ZFC3H1: variants seen among roughly 807,000 people sequenced by gnomAD.
ZFC3H1 encodes the protein zinc finger C3H1-type containing, also known as zinc finger C3H1 domain-containing protein.
A neutral mutation model predicts 243.7 loss-of-function variants in ZFC3H1; 71 were observed. The ratio of observed to expected loss-of-function variants is 0.29; its 90% confidence interval spans 0.24 to 0.36. ZFC3H1 has a LOEUF of 0.36. Ranked by LOEUF, ZFC3H1 falls within the 10% of genes least tolerant of loss-of-function variation. The probability of loss-of-function intolerance (pLI) is 1.00; values close to 1 mark genes in which losing one functional copy is unlikely to be tolerated. For missense variants in ZFC3H1, 1,966 were observed against 2,317.1 expected (o/e 0.85, Z 3.11); for synonymous variants, 838 against 813.0 (o/e 1.03, Z -0.52).
At chr12:71,633,695 A>G (rs1221427100) in intron 12 of ZFC3H1, among the ~76,000 whole-genome samples, 1 of 152,174 alleles carries the variant, frequency 6.6e-6, no homozygotes, top group Non-Finnish European at 1.5e-5. Flanking sequence ...TACTGTTGAA[A>G]ACTTGTAGTA....
intron 9 of ZFC3H1, among the ~76,000 whole-genome samples, chr12:71,636,170 G>T (rs1418058477): frequency 6.6e-6 from 1 of 151,986 alleles, no homozygotes; most frequent in Non-Finnish European, 1.5e-5. Flanking sequence ...TTAAAATTTT[G>T]ACTCCAAAAA....
intron 31 of ZFC3H1, among the ~76,000 whole-genome samples, 176 bp downstream of exon 31, chr12:71,613,159 A>C (rs948302194): frequency 6.6e-6 from 1 of 152,186 alleles, no homozygotes; most frequent in African/African-American, 2.4e-5. Flanking sequence ...GAATTTTTAC[A>C]CTGACTTTTG....
Position 71,662,993 on chromosome 12 carries a change from G to T in ZFC3H1, c.598+20C>A, listed in dbSNP as rs748345502. 1.3e-6 allele frequency: 2 copies of T among 1,570,160 alleles called. No individual in the cohort carries two copies. Among genetic ancestry groups the T allele is most frequent in the Non-Finnish European group, 1.7e-6 (2 of 1,159,144 alleles). On this transcript the variant is annotated intron_variant, in intron 1 of 34. Transcript: ENST00000378743. ...GAACTTTAGTGACACACCCAGCGCC[G>T]ACCGCCACGTTAAGGATACAGCTCT...
chr12:71,626,570 T>C, intron 21 of ZFC3H1, 124 bp from the exon 22 acceptor site: 9 of 893,446 alleles, frequency 1.0e-5, no homozygotes, highest in Non-Finnish European at 1.4e-5. Flanking sequence ...GAAGTCAGGA[T>C]CACTTATGAA....
In ZFC3H1 at chr12:71,614,719, T is replaced by C. The variant is rs369755449; in HGVS notation, c.5361-19A>G. Reference sequence around the variant, plus strand: ...AAGATAACTGCCAAAAGAAAAATATTATAATTTAGAATAACTAAGACAGTA... The same window carrying C: ...AAGATAACTGCCAAAAGAAAAATATCATAATTTAGAATAACTAAGACAGTA... On this transcript the variant is annotated intron_variant, in intron 29 of 34. Transcript: ENST00000378743. 1 of 1,598,602 alleles carries C rather than the reference T, an allele frequency of 6.3e-7. No homozygotes were observed. Among genetic ancestry groups the C allele is most frequent in the Non-Finnish European group, 8.5e-7 (1 of 1,174,416 alleles).
At chr12:71,654,288 A>G (rs1395502087) in intron 2 of ZFC3H1, among the ~76,000 whole-genome samples, 3 of 152,018 alleles carry the variant, frequency 2.0e-5, no homozygotes, top group Non-Finnish European at 2.9e-5. Flanking sequence ...GAAATTTTTA[A>G]AACATAGCCG....
intron 2 of ZFC3H1, among the ~76,000 whole-genome samples, chr12:71,654,699 G>A (rs1425661836): frequency 2.0e-5 from 3 of 151,772 alleles, no homozygotes; most frequent in African/African-American, 7.3e-5. Context: ...AAAAAAAGAA[G>A]AAGAAATAAA....
intron 2 of ZFC3H1, among the ~76,000 whole-genome samples, chr12:71,652,225 T>G (rs17110098): frequency 0.031 from 4,776 of 152,284 alleles, 213 homozygotes; most frequent in African/African-American, 0.11. Flanking sequence ...AGATGACATT[T>G]TAGTTCCTTT....
At chr12:71,627,013 C>G (rs1190727509) in intron 21 of ZFC3H1, among the ~76,000 whole-genome samples, 1 of 152,014 alleles carries the variant, frequency 6.6e-6, no homozygotes, top group Admixed American at 6.6e-5. Context: ...ATGGAAATGA[C>G]ACACAGGAAA....
intron 23 of ZFC3H1, 116 bp downstream of exon 23, chr12:71,623,987 AC>A (rs1299480594): frequency 2.7e-6 from 3 of 1,097,698 alleles, no homozygotes; most frequent in Non-Finnish European, 3.8e-6. Flanking sequence ...AAGTGGAAAA[AC>A]AAGGATTCAA....
intron 1 of ZFC3H1, among the ~76,000 whole-genome samples, chr12:71,658,146 A>G (rs1881068591): frequency 6.6e-6 from 1 of 152,192 alleles, no homozygotes; most frequent in African/African-American, 2.4e-5. Context: ...TTCCTTAGAA[A>G]CAGCTACAAA....
intron 31 of ZFC3H1, among the ~76,000 whole-genome samples, 174 bp downstream of exon 31, chr12:71,613,161 T>C (rs757326278): frequency 4.3e-4 from 65 of 152,178 alleles, no homozygotes; most frequent in Non-Finnish European, 4.3e-4. Flanking sequence ...ATTTTTACAC[T>C]GACTTTTGAA....
intron 7 of ZFC3H1, among the ~76,000 whole-genome samples, chr12:71,638,042 G>A (rs771586225): frequency 1.4e-4 from 21 of 152,046 alleles, no homozygotes; most frequent in Non-Finnish European, 2.9e-4. Flanking sequence ...AGAGGAGAAA[G>A]GAGAGTATTA....
intron 13 of ZFC3H1, 115 bp downstream of exon 13, chr12:71,633,149 A>T: frequency 7.2e-7 from 1 of 1,396,936 alleles, no homozygotes; most frequent in Admixed American, 2.9e-5. Flanking sequence ...CTCAACAAGA[A>T]ACTATAGGTT....
chr12:71,656,169 T>C (rs561782479), intron 2 of ZFC3H1, among the ~76,000 whole-genome samples: 1 of 152,238 alleles, frequency 6.6e-6, no homozygotes, highest in East Asian at 1.9e-4. Flanking sequence ...CTGTTTGAGG[T>C]TGATGAAAGA....
Position 71,620,131 on chromosome 12 carries a change from A to G in ZFC3H1, c.4851-7T>C. 6.9e-6 allele frequency: 11 copies of G among 1,605,594 alleles called. No homozygotes were observed. Among genetic ancestry groups the G allele is most frequent in the East Asian group, 4.5e-5 (2 of 44,808 alleles). On this transcript the variant is annotated splice_polypyrimidine_tract_variant and splice_region_variant and intron_variant, in intron 25 of 34. Coordinates refer to ENST00000378743, the MANE Select transcript of ZFC3H1 (RefSeq NM_144982.5). ...CTCCATTGCAGCCTCATACCTTAAC[A>G]AAAAAGAAAAAAAAAGGCTAAAGAC...
chr12:71,644,823 A>C, intron 4 of ZFC3H1, 54 bp downstream of exon 4: 1 of 1,576,770 alleles, frequency 6.3e-7, no homozygotes, highest in Non-Finnish European at 8.6e-7. Context: ...TGTCTCAAAA[A>C]ACAAAAGAAA....
Position 71,633,365 on chromosome 12 carries a change from T to C in ZFC3H1, c.2584A>G (p.Arg862Gly). 1 of 1,601,906 alleles carries C rather than the reference T, an allele frequency of 6.2e-7. No individual in the cohort carries two copies. The highest frequency in any genetic ancestry group is 8.5e-7 in the Non-Finnish European group (1 of 1,173,618). ...TTTGTAATCTTTGCTTCAGCATTTC[T>C]AACAGATTCTTTCTTCTTAGCTTCT... ...QQEAKKKESV[R>G]NAEAKITKLT... is the part of the protein sequence containing the mutation. The change falls in exon 13 of 35, where the codon AGA becomes GGA. Residue 862 changes from arginine (R) to glycine (G), a missense_variant. Arg to Gly is a moderately radical substitution (Grantham distance 125). Transcript: ENST00000378743.
chr12:71,624,833 G>A (rs1270453434), intron 22 of ZFC3H1, among the ~76,000 whole-genome samples: 1 of 152,202 alleles, frequency 6.6e-6, no homozygotes, highest in Non-Finnish European at 1.5e-5. Flanking sequence ...CAGGCACGGT[G>A]GTGCATGCCT....
Sources: gnomAD v4.1 joint callset for allele counts (sites outside exome capture counted in the v4.1 genomes callset) on GRCh38, gnomAD v4.1.1 for gene constraint, MANE v1.5 for transcripts, NCBI Gene and HGNC (gene_info 2026-07-23, HGNC 2026-07-21) for gene names.